The following PALM2AKAP2 variants were observed in gnomAD, a reference collection of about 807,000 sequenced individuals.
PALM2AKAP2 encodes PALM2-AKAP2 fusion protein.
A neutral mutation model predicts 71.5 loss-of-function variants in PALM2AKAP2; 37 were observed. That is an observed-to-expected ratio of 0.52 (90% CI 0.40 to 0.68). PALM2AKAP2 has a LOEUF of 0.68. Ranked by LOEUF, PALM2AKAP2 falls within the 30% of genes least tolerant of loss-of-function variation. PALM2AKAP2 has a pLI of 0.00. For synonymous variants in PALM2AKAP2, 468 were observed against 478.8 expected (o/e 0.98, Z 0.29); for missense variants, 1,224 against 1,191.8 (o/e 1.03, Z -0.40).
At chr9:109,682,057 C>G (rs1827743758) in intron 1 of PALM2AKAP2, among the ~76,000 whole-genome samples, 1 of 152,142 alleles carries the variant, frequency 6.6e-6, no homozygotes, top group Non-Finnish European at 1.5e-5. Context: ...TTTTCCAAAT[C>G]AAAAGTTTAA....
At chr9:109,812,221 C>T (rs796559517) in intron 1 of PALM2AKAP2, among the ~76,000 whole-genome samples, 5 of 152,232 alleles carry the variant, frequency 3.3e-5, no homozygotes, top group South Asian at 2.1e-4. Flanking sequence ...GGTGAATACT[C>T]CTCTGAGAAG....
chr9:109,930,290 A>G (rs1049334816), intron 5 of PALM2AKAP2, among the ~76,000 whole-genome samples: 1 of 151,994 alleles, frequency 6.6e-6, no homozygotes, highest in Non-Finnish European at 1.5e-5. Context: ...CAGTGGCACA[A>G]TCTTGGCTCA....
At chr9:109,735,378 G>A (rs1419324029) in intron 1 of PALM2AKAP2, among the ~76,000 whole-genome samples, 2 of 151,726 alleles carry the variant, frequency 1.3e-5, no homozygotes, top group African/African-American at 4.8e-5. Context: ...CTCTCTGAGG[G>A]GCTCTGGGAG....
intron 1 of PALM2AKAP2, among the ~76,000 whole-genome samples, chr9:109,743,051 C>A (rs1195633007): frequency 6.6e-6 from 1 of 152,110 alleles, no homozygotes; most frequent in African/African-American, 2.4e-5. Flanking sequence ...AAAGCTGAGT[C>A]CCCCTCCCAT....
At chr9:109,733,773 C>G (rs1828589711) in intron 1 of PALM2AKAP2, among the ~76,000 whole-genome samples, 1 of 151,966 alleles carries the variant, frequency 6.6e-6, no homozygotes, top group Non-Finnish European at 1.5e-5. Flanking sequence ...ATTCTTTTTT[C>G]TTTTTACTGC....
exon 2 of PALM2AKAP2, chr9:110,137,910 A>G: frequency 2.5e-6 from 4 of 1,613,796 alleles, no homozygotes; most frequent in Non-Finnish European, 3.4e-6. Flanking sequence ...ACGCTGGGGG[A>G]CTCTCCGTTG....
chr9:110,034,552 C>T (rs907552951), intron 7 of PALM2AKAP2, among the ~76,000 whole-genome samples: 3 of 151,276 alleles, frequency 2.0e-5, no homozygotes, highest in Admixed American at 6.6e-5. Flanking sequence ...AAGACCATAG[C>T]GTATGCTTTC....
At chr9:109,658,929 T>TAAAAA (rs1346717189) in intron 1 of PALM2AKAP2, among the ~76,000 whole-genome samples, 1 of 152,196 alleles carries the variant, frequency 6.6e-6, no homozygotes, top group Non-Finnish European at 1.5e-5. Flanking sequence ...TGCAGGACCT[T>TAAAAA]TATGTGAAAA....
chr9:109,740,528 G>T (rs1828701907), intron 1 of PALM2AKAP2, among the ~76,000 whole-genome samples: 1 of 152,186 alleles, frequency 6.6e-6, no homozygotes, highest in African/African-American at 2.4e-5. Context: ...CTAGGAGACT[G>T]CTCGGTATGT....
At chr9:109,837,029 C>T (rs532044863) in intron 1 of PALM2AKAP2, among the ~76,000 whole-genome samples, 5 of 152,144 alleles carry the variant, frequency 3.3e-5, no homozygotes, top group South Asian at 2.1e-4. Flanking sequence ...ATACAGAGAA[C>T]GCCACAAAGA....
At chr9:109,806,051 A>T (rs1435036729) in intron 1 of PALM2AKAP2, among the ~76,000 whole-genome samples, 1 of 152,234 alleles carries the variant, frequency 6.6e-6, no homozygotes, top group Non-Finnish European at 1.5e-5. Context: ...ATCCAAGGTT[A>T]CATATCTGAT....
At chr9:109,968,393 C>T (rs1397825066) in intron 6 of PALM2AKAP2, among the ~76,000 whole-genome samples, 1 of 152,198 alleles carries the variant, frequency 6.6e-6, no homozygotes, top group African/African-American at 2.4e-5. Flanking sequence ...AATGATATCT[C>T]ATTTCTAAGC....
In PALM2AKAP2 at chr9:110,067,114, C is replaced by T. The variant is rs544653918; in HGVS notation, c.156+18259C>T. 5.3e-5 allele frequency among the ~76,000 whole-genome samples: 8 copies of T among 152,062 alleles called. No individual in the cohort carries two copies. The South Asian group carries it at 1.3e-3, about 24-fold the overall frequency. ...TCATTCTAACGTTAGTCTGTTTTAT[C>T]GAACTGAGGAGGGAGTTAGCTTTCT... On this transcript the variant is annotated intron_variant, in intron 1 of 3. Transcript: ENST00000374525.
intron 5 of PALM2AKAP2, among the ~76,000 whole-genome samples, chr9:109,928,646 T>C (rs1054011863): frequency 1.3e-5 from 2 of 151,770 alleles, no homozygotes; most frequent in Non-Finnish European, 2.9e-5. Context: ...GATGCCCCAT[T>C]CTCCACTCCC....
In PALM2AKAP2 at chr9:109,823,373, C is replaced by G. The variant is rs190057414; in HGVS notation, c.45+42840C>G. Among the ~76,000 whole-genome samples the G allele has an allele frequency of 3.3e-5, 5 of 152,292 alleles. No homozygotes were observed. In the East Asian group the frequency reaches 7.7e-4, roughly 23 times the overall value. Reference sequence around the variant, plus strand: ...AGGTGGGAACAGCCCTGGACCTGAGCCAGAATACTGGGGCTCCAGTCATGG... The same window carrying G: ...AGGTGGGAACAGCCCTGGACCTGAGGCAGAATACTGGGGCTCCAGTCATGG... On this transcript the variant is annotated intron_variant, in intron 1 of 9. Coordinates refer to the PALM2AKAP2 transcript ENST00000302798.
At chr9:109,830,738 T>A (rs2131535285) in intron 1 of PALM2AKAP2, among the ~76,000 whole-genome samples, 1 of 152,262 alleles carries the variant, frequency 6.6e-6, no homozygotes, top group Non-Finnish European at 1.5e-5. Flanking sequence ...CTTTATGGTG[T>A]GTGCTGTTTA....
intron 1 of PALM2AKAP2, among the ~76,000 whole-genome samples, chr9:110,093,480 A>C (rs551777363): frequency 2.0e-5 from 3 of 152,326 alleles, no homozygotes; most frequent in African/African-American, 7.2e-5. Context: ...AATTGACCAA[A>C]AATTTAGCAA....
At chr9:110,156,553 G>T in intron 3 of PALM2AKAP2, 56 bp downstream of exon 9, 1 of 1,512,642 alleles carries the variant, frequency 6.6e-7, no homozygotes, top group Non-Finnish European at 8.9e-7. Flanking sequence ...TCGGTGTGGC[G>T]TGTGGCATTC....
At chr9:109,867,421 G>T in intron 1 of PALM2AKAP2, 70 bp from the exon 2 acceptor site, 1 of 1,562,272 alleles carries the variant, frequency 6.4e-7, no homozygotes, top group East Asian at 2.3e-5. Context: ...TGCTGCTGCT[G>T]CTTTCTGCCT....
Sources: allele counts gnomAD v4.1 joint callset (sites outside exome capture counted in the v4.1 genomes callset), GRCh38; gene constraint gnomAD v4.1.1; transcripts MANE v1.5; gene names NCBI Gene and HGNC (gene_info 2026-07-23, HGNC 2026-07-21).